Variants in XRCC5 observed in about 807,000 individuals in gnomAD.
The protein encoded by XRCC5 is DNA repair protein Ku80.
XRCC5 carries 12 observed loss-of-function variants against 95.7 expected under a neutral mutation model. The observed-to-expected ratio is 0.13, with a 90% confidence interval of 0.08 to 0.20. The LOEUF (loss-of-function observed/expected upper bound fraction) is 0.20. Among genes scored for constraint, XRCC5 ranks in the 10% least tolerant of loss-of-function variants. The pLI is 1.00. For missense variants in XRCC5, 595 were observed against 873.9 expected, an observed-to-expected ratio of 0.68 and a Z score of 4.02; for synonymous variants, 281 against 290.3, an observed-to-expected ratio of 0.97 and a Z score of 0.33.
At chr2:216,186,834 T>C (rs751482486) in intron 16 of XRCC5, among the ~76,000 whole-genome samples, 6 of 152,192 alleles carry the variant, frequency 3.9e-5, no homozygotes, top group South Asian at 2.1e-4. Flanking sequence ...ATTTCCTTTA[T>C]GTGGGGCAGG....
At chr2:216,172,497 C>T (rs1375434569) in intron 16 of XRCC5, among the ~76,000 whole-genome samples, 7 of 68,106 alleles carry the variant, frequency 1.0e-4, no homozygotes, top group Non-Finnish European at 1.6e-4. Context: ...GAGACAAAGT[C>T]TCACTCTGTC....
At chr2:216,204,470 G>A in intron 20 of XRCC5, 74 bp downstream of exon 20, 1 of 1,513,490 alleles carries the variant, frequency 6.6e-7, no homozygotes, top group Non-Finnish European at 9.2e-7. Context: ...CACAAAGGCT[G>A]ATTATCTTAC....
chr2:216,178,046 TAAAC>T (rs1319793723), intron 16 of XRCC5, among the ~76,000 whole-genome samples: 1 of 151,764 alleles, frequency 6.6e-6, no homozygotes, highest in Non-Finnish European at 1.5e-5. Context: ...ATATGAGTAA[TAAAC>T]AAAAAGAACA....
At chr2:216,131,384 A>G (rs1379967183) in intron 9 of XRCC5, among the ~76,000 whole-genome samples, 1 of 152,226 alleles carries the variant, frequency 6.6e-6, no homozygotes, top group South Asian at 2.1e-4. Context: ...ACATTGCCCA[A>G]TACAGCACAT....
chr2:216,131,938 C>T (rs77431289), intron 9 of XRCC5, among the ~76,000 whole-genome samples: 2 of 152,324 alleles, frequency 1.3e-5, no homozygotes, highest in East Asian at 3.9e-4. Flanking sequence ...TTTTAAGTCT[C>T]GACTTAGGTG....
chr2:216,196,600 A>T (rs41296767), intron 19 of XRCC5, among the ~76,000 whole-genome samples: 4 of 152,138 alleles, frequency 2.6e-5, no homozygotes, highest in African/African-American at 9.7e-5. Flanking sequence ...GTGTGATTGT[A>T]GGGCTTGGCA....
rs7597791 is a variant in XRCC5, at chr2:216,137,272, T to G, written c.1251+47T>G. 0.013 allele frequency: 21,225 copies of G among 1,576,518 alleles called. 2,148 individuals carry two copies. In the African/African-American group the frequency reaches 0.24, roughly 18 times the overall value. On this transcript the variant is annotated intron_variant, in intron 11 of 20. Coordinates refer to ENST00000392132, the MANE Select transcript of XRCC5 (RefSeq NM_021141.4). ...TTATTTTTTTTCTTCAGTTCCTTTATTCTAAGCAGTGTTTCTCAGCTGTTA... is the reference window on the plus strand; with the variant it reads ...TTATTTTTTTTCTTCAGTTCCTTTAGTCTAAGCAGTGTTTCTCAGCTGTTA...
intron 16 of XRCC5, among the ~76,000 whole-genome samples, chr2:216,176,541 C>T (rs994003271): frequency 6.6e-6 from 1 of 151,908 alleles, no homozygotes; most frequent in African/African-American, 2.4e-5. Context: ...GATTATTATT[C>T]CCTTATAATA....
intron 2 of XRCC5, among the ~76,000 whole-genome samples, chr2:216,114,525 G>A (rs941902904): frequency 3.3e-5 from 5 of 151,912 alleles, no homozygotes; most frequent in Admixed American, 6.6e-5. Flanking sequence ...GAGGGCCCCC[G>A]AGAATGTTGG....
intron 16 of XRCC5, among the ~76,000 whole-genome samples, chr2:216,188,457 A>T (rs1252413269): frequency 6.6e-6 from 1 of 152,250 alleles, no homozygotes; most frequent in African/African-American, 2.4e-5. Context: ...GTTGCACAAT[A>T]AGTATATACT....
At chr2:216,197,995 A>C (rs570305826) in intron 19 of XRCC5, among the ~76,000 whole-genome samples, 1 of 152,104 alleles carries the variant, frequency 6.6e-6, no homozygotes, top group Non-Finnish European at 1.5e-5. Context: ...CTTGTATCCA[A>C]CTCCCGAACC....
intron 14 of XRCC5, among the ~76,000 whole-genome samples, chr2:216,154,359 G>A (rs767247476): frequency 6.6e-6 from 1 of 152,140 alleles, no homozygotes; most frequent in South Asian, 2.1e-4. Context: ...TAACTCATAG[G>A]GTTGTTGCAA....
At chr2:216,143,300 G>T (rs1697199819) in intron 13 of XRCC5, among the ~76,000 whole-genome samples, 1 of 152,138 alleles carries the variant, frequency 6.6e-6, no homozygotes. Context: ...AAAATCCTTT[G>T]GTGTTTTTTT....
intron 17 of XRCC5, among the ~76,000 whole-genome samples, chr2:216,192,394 A>G (rs1165322058): frequency 6.6e-6 from 1 of 152,220 alleles, no homozygotes; most frequent in East Asian, 1.9e-4. Flanking sequence ...TTAAAAACAA[A>G]GGGCTAGGCC....
At chr2:216,128,510 C>T (rs954164577) in intron 8 of XRCC5, among the ~76,000 whole-genome samples, 1 of 152,156 alleles carries the variant, frequency 6.6e-6, no homozygotes, top group Admixed American at 6.5e-5. Flanking sequence ...TAATACCCTA[C>T]AATTTCTACC....
chr2:216,125,901 AT>A lies in XRCC5; in HGVS notation c.684-11del. ...TTAAAAATTGTTGCTTTCATTTTAT[AT>A]TTTTCTTTATTAAGTGAGAGTCTGA... On this transcript the variant is annotated splice_polypyrimidine_tract_variant and intron_variant, in intron 6 of 20. Transcript: ENST00000392132. 6.2e-7 allele frequency: 1 copy of A among 1,600,118 alleles called. No homozygotes were observed. Among genetic ancestry groups the A allele is most frequent in the East Asian group, 2.2e-5 (1 of 44,736 alleles).
intron 5 of XRCC5, 110 bp from the exon 6 acceptor site, chr2:216,121,952 G>C: frequency 1.0e-6 from 1 of 979,790 alleles, no homozygotes. Context: ...TCGTTTGACA[G>C]ATGAGAAATT....
intron 16 of XRCC5, among the ~76,000 whole-genome samples, chr2:216,170,508 GA>G (rs1689141699): frequency 6.8e-6 from 1 of 146,272 alleles, no homozygotes; most frequent in Non-Finnish European, 1.5e-5. Flanking sequence ...GAGAGAGAGA[GA>G]CACTTTTAAA....
intron 15 of XRCC5, 32 bp from the exon 16 acceptor site, chr2:216,161,947 C>T (rs1336178757): frequency 6.3e-7 from 1 of 1,596,856 alleles, no homozygotes. Flanking sequence ...GAGAAATAAC[C>T]TGTAGGTTTA....
Sources: allele counts gnomAD v4.1 joint callset (sites outside exome capture counted in the v4.1 genomes callset), GRCh38; gene constraint gnomAD v4.1.1; transcripts MANE v1.5; gene names NCBI Gene and HGNC (gene_info 2026-07-23, HGNC 2026-07-21).